Variants in TMEM132C observed in about 807,000 individuals in gnomAD.
TMEM132C encodes protein phosphatase 1, regulatory subunit 152.
A neutral mutation model predicts 61.4 loss-of-function variants in TMEM132C; 29 were observed. The observed-to-expected ratio is 0.47, with a 90% confidence interval of 0.35 to 0.64. The LOEUF is 0.64. Among genes scored for constraint, TMEM132C ranks in the 30% least tolerant of loss-of-function variants. The pLI is 0.00. For missense variants in TMEM132C, 1,408 were observed against 1,476.9 expected, an observed-to-expected ratio of 0.95 and a Z score of 0.76; for synonymous variants, 656 against 633.1, an observed-to-expected ratio of 1.04 and a Z score of -0.54.
chr12:128,491,067 A>G (rs1198238064), intron 2 of TMEM132C, among the ~76,000 whole-genome samples: 1 of 152,196 alleles, frequency 6.6e-6, no homozygotes, highest in African/African-American at 2.4e-5. Context: ...TCAGCCCAGC[A>G]TTGTCTGGCT....
In TMEM132C at chr12:128,604,686, GTAGA is replaced by G. The variant is rs965306096; in HGVS notation, c.1122-11459_1122-11456del. Among the ~76,000 whole-genome samples the G allele has an allele frequency of 5.3e-5, 8 of 151,786 alleles. No individual in the cohort carries two copies. The East Asian group carries it at 5.8e-4, about 11-fold the overall frequency. On this transcript the variant is annotated intron_variant, in intron 3 of 8. Transcript: ENST00000435159. ...AAATGGATAGATAGATCATAGAGGGGTAGATAGATAATAGATGGCTAGATAGATA... is the reference window on the plus strand; with the variant it reads ...AAATGGATAGATAGATCATAGAGGGGTAGATAATAGATGGCTAGATAGATA...
chr12:128,292,898 A>G (rs916691299), intron 1 of TMEM132C, among the ~76,000 whole-genome samples: 1 of 151,176 alleles, frequency 6.6e-6, no homozygotes. Context: ...TATTCCTAAT[A>G]GAGCACATTT....
chr12:128,534,906 G>A (rs1327392652), intron 2 of TMEM132C, among the ~76,000 whole-genome samples: 2 of 152,208 alleles, frequency 1.3e-5, no homozygotes, highest in Non-Finnish European at 2.9e-5. Context: ...GCACTATTAA[G>A]CGGAAAGAAC....
chr12:128,507,096 GT>G (rs796113815), intron 2 of TMEM132C, among the ~76,000 whole-genome samples: 9 of 152,134 alleles, frequency 5.9e-5, no homozygotes, highest in African/African-American at 2.2e-4. Context: ...AAAGTGTTTG[GT>G]TTTCTGTTTT....
chr12:128,639,572 A>T (rs973343280), intron 4 of TMEM132C, among the ~76,000 whole-genome samples: 1 of 152,222 alleles, frequency 6.6e-6, no homozygotes, highest in African/African-American at 2.4e-5. Context: ...GGTGACAATA[A>T]ATTGAAGGGA....
chr12:128,624,556 A>G (rs1386402366), intron 4 of TMEM132C, among the ~76,000 whole-genome samples: 1 of 151,104 alleles, frequency 6.6e-6, no homozygotes, highest in African/African-American at 2.4e-5. Flanking sequence ...AAAAAAAAAA[A>G]AAAAAAAAAA....
chr12:128,646,906 GT>G (rs1026457100), intron 4 of TMEM132C, among the ~76,000 whole-genome samples: 1 of 150,828 alleles, frequency 6.6e-6, no homozygotes, highest in African/African-American at 2.4e-5. Context: ...TTGGATGTGT[GT>G]TTACTGGAGT....
chr12:128,605,057 AATAC>A (rs1876371159), intron 3 of TMEM132C, among the ~76,000 whole-genome samples: 1 of 151,510 alleles, frequency 6.6e-6, no homozygotes, highest in Non-Finnish European at 1.5e-5. Context: ...ATGGATGGAT[AATAC>A]ATAGATGACA....
chr12:128,269,466 C>T (rs1260124045), intron 1 of TMEM132C, among the ~76,000 whole-genome samples: 1 of 151,628 alleles, frequency 6.6e-6, no homozygotes, highest in African/African-American at 2.4e-5. Context: ...GCTGGAAAGG[C>T]AACTGGGACT....
intron 4 of TMEM132C, among the ~76,000 whole-genome samples, chr12:128,644,022 G>T (rs115911048): frequency 0.015 from 2,257 of 152,250 alleles, 48 homozygotes; most frequent in African/African-American, 0.048. Flanking sequence ...TTAGTCATGG[G>T]GGAACTGCAA....
intron 1 of TMEM132C, among the ~76,000 whole-genome samples, chr12:128,405,817 G>A (rs1875324436): frequency 6.6e-6 from 1 of 152,138 alleles, no homozygotes; most frequent in South Asian, 2.1e-4. Flanking sequence ...TGAAGCTTAG[G>A]AAACACCACC....
intron 2 of TMEM132C, among the ~76,000 whole-genome samples, chr12:128,508,562 CTGCGGCCTCCAAGCAAG>C (rs1421342313): frequency 3.9e-5 from 6 of 152,340 alleles, no homozygotes; most frequent in African/African-American, 1.4e-4. Context: ...GAGCCACTTC[CTGCGGCCTCCAAGCAAG>C]TGCTGCATGC....
intron 4 of TMEM132C, among the ~76,000 whole-genome samples, chr12:128,648,444 G>C (rs1327996854): frequency 6.6e-6 from 1 of 151,860 alleles, no homozygotes; most frequent in Non-Finnish European, 1.5e-5. Flanking sequence ...GAGTCCATCA[G>C]CGTTGGATAT....
At chr12:128,336,784 AG>A (rs1318140713) in intron 1 of TMEM132C, among the ~76,000 whole-genome samples, 1 of 152,188 alleles carries the variant, frequency 6.6e-6, no homozygotes, top group Non-Finnish European at 1.5e-5. Context: ...AACAGCTTTC[AG>A]AACCCTGCAT....
At chr12:128,542,941 A>T (rs1873812506) in intron 2 of TMEM132C, among the ~76,000 whole-genome samples, 1 of 150,092 alleles carries the variant, frequency 6.7e-6, no homozygotes. Flanking sequence ...CAACTGTCTT[A>T]TGCCTTTTAA....
At chr12:128,691,497 C>G (rs1954718978) in intron 5 of TMEM132C, among the ~76,000 whole-genome samples, 2 of 152,220 alleles carry the variant, frequency 1.3e-5, no homozygotes, top group Non-Finnish European at 2.9e-5. Context: ...AGCTATCTAC[C>G]CATTTATCCA....
At chr12:128,330,737 GA>G (rs1454373459) in intron 1 of TMEM132C, among the ~76,000 whole-genome samples, 1 of 152,058 alleles carries the variant, frequency 6.6e-6, no homozygotes, top group Non-Finnish European at 1.5e-5. Flanking sequence ...TCCCCACTCT[GA>G]ATTCCTAGTA....
chr12:128,505,520 C>T (rs1174209852), intron 2 of TMEM132C, among the ~76,000 whole-genome samples: 1 of 152,154 alleles, frequency 6.6e-6, no homozygotes, highest in East Asian at 1.9e-4. Context: ...TACCCACCCC[C>T]ATGGAGGAGA....
chr12:128,465,400 C>T (rs1870696890), intron 2 of TMEM132C, among the ~76,000 whole-genome samples: 2 of 152,064 alleles, frequency 1.3e-5, no homozygotes, highest in Non-Finnish European at 2.9e-5. Flanking sequence ...GGGTTTTTGC[C>T]ATGTTGGCCA....
Sources: gnomAD v4.1 joint callset for allele counts (sites outside exome capture counted in the v4.1 genomes callset) on GRCh38, gnomAD v4.1.1 for gene constraint, MANE v1.5 for transcripts, NCBI Gene and HGNC (gene_info 2026-07-23, HGNC 2026-07-21) for gene names.